Variants in PACRG observed in about 807,000 individuals in gnomAD.
PACRG encodes parkin coregulated gene protein.
A neutral mutation model predicts 29.7 loss-of-function variants in PACRG; 29 were observed. The ratio of observed to expected loss-of-function variants is 0.98; its 90% CI spans 0.73 to 1.33. The LOEUF is 1.33. Among genes scored for constraint, PACRG ranks in the 40% most tolerant of loss-of-function variants. The probability of loss-of-function intolerance (pLI) is 0.00; values close to 1 mark genes in which losing one functional copy is unlikely to be tolerated. For missense variants in PACRG, 279 were observed against 316.2 expected (o/e 0.88, Z 0.89); for synonymous variants, 116 against 118.7 (o/e 0.98, Z 0.15).
chr6:163,279,477 T>C lies in PACRG; in HGVS notation c.614-35350T>C, dbSNP rs568910998. Reference sequence around the variant, plus strand: ...GTTTACCAAGTTTTCCCTAGTGCAATTCTTCCTTTGCTCCTGTCATTTTGA... The same window carrying C: ...GTTTACCAAGTTTTCCCTAGTGCAACTCTTCCTTTGCTCCTGTCATTTTGA... On this transcript the variant is annotated intron_variant, in intron 4 of 4. Transcript: ENST00000366888. Among the ~76,000 whole-genome samples, 7 of 152,368 alleles carry C rather than the reference T, an allele frequency of 4.6e-5. No homozygotes were observed. The South Asian group carries it at 1.4e-3, about 32-fold the overall frequency.
At chr6:163,031,592 TA>T (rs1364030497) in intron 2 of PACRG, among the ~76,000 whole-genome samples, 1 of 152,246 alleles carries the variant, frequency 6.6e-6, no homozygotes, top group Non-Finnish European at 1.5e-5. Flanking sequence ...AAATTTGCTT[TA>T]TTATACTTGG....
At chr6:163,122,720 G>A (rs1816345074) in intron 4 of PACRG, among the ~76,000 whole-genome samples, 1 of 152,032 alleles carries the variant, frequency 6.6e-6, no homozygotes, top group African/African-American at 2.4e-5. Flanking sequence ...CCAACCCCAG[G>A]TATTATTTTA....
intron 2 of PACRG, among the ~76,000 whole-genome samples, chr6:163,023,199 G>C (rs139728106): frequency 6.6e-6 from 1 of 152,140 alleles, no homozygotes; most frequent in African/African-American, 2.4e-5. Context: ...CATAATACCC[G>C]ATGGGTAGTT....
At chr6:162,851,345 A>G (rs181530540) in intron 2 of PACRG, among the ~76,000 whole-genome samples, 4 of 152,012 alleles carry the variant, frequency 2.6e-5, no homozygotes, top group African/African-American at 4.8e-5. Context: ...CTTCATTCCC[A>G]CACACGTTCT....
chr6:162,782,773 A>G (rs13213421), intron 1 of PACRG, among the ~76,000 whole-genome samples: 14,830 of 151,890 alleles, frequency 0.098, 821 homozygotes, highest in Middle Eastern at 0.17. Flanking sequence ...CAAAGTTTGC[A>G]TAAATCAAGA....
rs1302691870 is a variant in PACRG, at chr6:162,765,729, CAT to C, written c.156+37339_156+37340del. Among the ~76,000 whole-genome samples the C allele has an allele frequency of 1.2e-4, 18 of 152,194 alleles. No homozygotes were observed. In the East Asian group the frequency reaches 2.7e-3, roughly 23 times the overall value. On this transcript the variant is annotated intron_variant, in intron 1 of 4. Transcript: ENST00000366888. ...TTCGGGGGGCATTTCTTTAGATAAA[CAT>C]GTATAACTATTTAATATTTTATACA...
At position 163,012,818 on chromosome 6, in the gene PACRG, T is replaced by C. The variant is rs534154579; in HGVS notation, c.292-49332T>C. ...CCATCTCCGCTTCACCTTTGCACCCTTTTGAACGCACAACACACTACAGGT... is the reference window on the plus strand; with the variant it reads ...CCATCTCCGCTTCACCTTTGCACCCCTTTGAACGCACAACACACTACAGGT... On this transcript the variant is annotated intron_variant, in intron 2 of 4. Coordinates refer to ENST00000366888, the MANE Select transcript of PACRG (RefSeq NM_001080379.2). 5.9e-5 allele frequency among the ~76,000 whole-genome samples: 9 copies of C among 152,344 alleles called. No homozygotes were observed. The East Asian group carries it at 1.7e-3, about 29-fold the overall frequency.
chr6:163,141,332 G>C (rs1331239234), intron 4 of PACRG, among the ~76,000 whole-genome samples: 1 of 151,990 alleles, frequency 6.6e-6, no homozygotes, highest in Non-Finnish European at 1.5e-5. Flanking sequence ...GAGTACATTA[G>C]TAAGAAGAAC....
chr6:163,232,760 G>A (rs1191981784), intron 4 of PACRG, among the ~76,000 whole-genome samples: 2 of 152,198 alleles, frequency 1.3e-5, no homozygotes, highest in East Asian at 1.9e-4. Context: ...GCCAGAGCAG[G>A]AAGAACAGTC....
In PACRG at chr6:162,814,944, G is replaced by C. The variant is rs777706165; in HGVS notation, c.291+663G>C. Among the ~76,000 whole-genome samples, 64 of 152,146 alleles carry C rather than the reference G, an allele frequency of 4.2e-4. 1 individual carries two copies. Among genetic ancestry groups the C allele is most frequent in the Admixed American group, 2.0e-3 (31 of 15,272 alleles). On this transcript the variant is annotated intron_variant, in intron 2 of 4. Transcript: ENST00000366888. ...ATGTGGTTGTGTTCCTTTGTAAAAG[G>C]CTCACTGATGTTATTTGTAAAAACT...
intron 2 of PACRG, among the ~76,000 whole-genome samples, chr6:163,007,324 T>A (rs934050838): frequency 1.3e-5 from 2 of 152,116 alleles, no homozygotes; most frequent in African/African-American, 2.4e-5. Context: ...TAAGAAAAAA[T>A]TTTTCTATTT....
intron 4 of PACRG, among the ~76,000 whole-genome samples, chr6:163,101,774 A>C (rs546513296): frequency 6.0e-4 from 92 of 152,316 alleles, no homozygotes; most frequent in South Asian, 1.0e-3. Context: ...TCTCACCGTA[A>C]GCCTGGTTGC....
At position 162,875,541 on chromosome 6, in the gene PACRG, A is replaced by G. The variant is rs376027215; in HGVS notation, c.291+61260A>G. 3.9e-5 allele frequency among the ~76,000 whole-genome samples: 6 copies of G among 152,360 alleles called. No individual in the cohort carries two copies. In the East Asian group the frequency reaches 1.2e-3, roughly 29 times the overall value. On this transcript the variant is annotated intron_variant, in intron 2 of 4. Transcript: ENST00000366888. ...CATCCTCCATCTTTTCTCGTTAAAC[A>G]TTTTAAAAACTCTTAGCCAAAAGTG... is the stretch of plus-strand genomic sequence containing the variant.
chr6:162,740,098 C>G (rs35303937), intron 1 of PACRG, among the ~76,000 whole-genome samples: 12,680 of 152,038 alleles, frequency 0.083, 691 homozygotes, highest in South Asian at 0.22. Context: ...CTTTGTCTGT[C>G]TCTGAACCAG....
chr6:163,248,965 G>A (rs1309997277), intron 4 of PACRG, among the ~76,000 whole-genome samples: 8 of 146,458 alleles, frequency 5.5e-5, no homozygotes, highest in African/African-American at 1.0e-4. Context: ...GGAGTGAGCC[G>A]AGATCACGCC....
intron 4 of PACRG, chr6:163,170,951 A>C (rs1209013475): frequency 1.3e-5 from 2 of 152,238 alleles, no homozygotes; most frequent in Non-Finnish European, 2.9e-5. Flanking sequence ...AGTGAAGTAA[A>C]AGGATATCGC....
At chr6:162,871,381 C>T (rs945922244) in intron 2 of PACRG, among the ~76,000 whole-genome samples, 1 of 152,210 alleles carries the variant, frequency 6.6e-6, no homozygotes, top group Non-Finnish European at 1.5e-5. Flanking sequence ...AGGGTTGATA[C>T]TATTCTGAGT....
chr6:163,006,198 T>TAC (rs1182430417), intron 2 of PACRG, among the ~76,000 whole-genome samples: 4 of 120,852 alleles, frequency 3.3e-5, no homozygotes, highest in East Asian at 3.3e-4. Flanking sequence ...CCCATATATA[T>TAC]ATATATATCC....
intron 2 of PACRG, among the ~76,000 whole-genome samples, chr6:162,929,714 CT>C (rs1455480657): frequency 6.6e-6 from 1 of 151,956 alleles, no homozygotes; most frequent in Non-Finnish European, 1.5e-5. Flanking sequence ...AGTTTGGGGT[CT>C]TAAATTTAAG....
Sources: allele counts gnomAD v4.1 joint callset (sites outside exome capture counted in the v4.1 genomes callset), GRCh38; gene constraint gnomAD v4.1.1; transcripts MANE v1.5; gene names NCBI Gene and HGNC (gene_info 2026-07-23, HGNC 2026-07-21).